ADD2: variants seen among roughly 807,000 people sequenced by gnomAD.
ADD2 encodes the protein beta-adducin.
ADD2 carries 23 observed loss-of-function variants against 83.0 expected under a neutral mutation model. The ratio of observed to expected loss-of-function variants is 0.28; its 90% CI spans 0.20 to 0.39. The LOEUF is 0.39. Ranked by LOEUF, ADD2 falls within the 10% of genes least tolerant of loss-of-function variation. The pLI is 1.00. For missense variants in ADD2, 758 were observed against 944.9 expected, an observed-to-expected ratio of 0.80 and a Z score of 2.59; for synonymous variants, 375 against 375.4, an observed-to-expected ratio of 1.00 and a Z score of 0.01.
At position 70,657,982 on chromosome 2, in the gene ADD2, T is replaced by A. The variant is rs1483700953; in HGVS notation, c.*5443A>T. The A allele has an allele frequency of 2.0e-5, 3 of 152,146 alleles. No individual in the cohort carries two copies. Among genetic ancestry groups the A allele is most frequent in the Non-Finnish European group, 1.5e-5 (1 of 68,060 alleles). 9.4% of individuals were successfully genotyped at this position (152,146 alleles called of 1,614,324 possible). ...CCCATCTGCAGGCCCCAATTTCCCA[T>A]AGCAATGACCCAACTTTTGGGAAAA... is the stretch of plus-strand genomic sequence containing the variant. On this transcript the variant is annotated 3_prime_UTR_variant, in exon 16 of 16. Transcript: ENST00000264436.
At chr2:70,710,257 G>C (rs1672109469) in intron 2 of ADD2, among the ~76,000 whole-genome samples, 1 of 152,150 alleles carries the variant, frequency 6.6e-6, no homozygotes, top group South Asian at 2.1e-4. Flanking sequence ...GGATCATTTT[G>C]GCCAGCACAG....
intron 1 of ADD2, among the ~76,000 whole-genome samples, chr2:70,755,178 T>C (rs782702767): frequency 3.9e-5 from 6 of 152,194 alleles, no homozygotes; most frequent in Non-Finnish European, 7.3e-5. Flanking sequence ...TGCCCTTCTC[T>C]CGAAGTACAG....
intron 1 of ADD2, among the ~76,000 whole-genome samples, chr2:70,725,703 G>A (rs1395148457): frequency 1.3e-5 from 2 of 152,060 alleles, no homozygotes; most frequent in African/African-American, 4.8e-5. Context: ...TAGAACTTCT[G>A]GATGGAGCAC....
intron 1 of ADD2, among the ~76,000 whole-genome samples, chr2:70,766,589 C>T (rs1553386093): frequency 1.3e-5 from 2 of 152,200 alleles, no homozygotes; most frequent in African/African-American, 4.8e-5. Flanking sequence ...ACATAATTTT[C>T]TAATGCCATT....
At chr2:70,737,034 C>T (rs1673604886) in intron 1 of ADD2, among the ~76,000 whole-genome samples, 1 of 152,140 alleles carries the variant, frequency 6.6e-6, no homozygotes. Context: ...GATACCATCT[C>T]ACACCAGTTA....
chr2:70,766,503 G>C (rs1415230545), intron 1 of ADD2, among the ~76,000 whole-genome samples: 1 of 152,208 alleles, frequency 6.6e-6, no homozygotes, highest in Non-Finnish European at 1.5e-5. Context: ...AAACGTCATA[G>C]TTCTCTTCTT....
At chr2:70,755,866 C>G (rs1674751005) in intron 1 of ADD2, among the ~76,000 whole-genome samples, 1 of 151,930 alleles carries the variant, frequency 6.6e-6, no homozygotes, top group Non-Finnish European at 1.5e-5. Flanking sequence ...CGAGACCAGC[C>G]TGGCCAACAT....
At chr2:70,755,221 T>G (rs1164347668) in intron 1 of ADD2, among the ~76,000 whole-genome samples, 1 of 152,162 alleles carries the variant, frequency 6.6e-6, no homozygotes, top group Non-Finnish European at 1.5e-5. Flanking sequence ...CACCTTCTCA[T>G]CTCAAATCTC....
chr2:70,669,807 A>G (rs1379399441), intron 15 of ADD2, among the ~76,000 whole-genome samples: 1 of 152,230 alleles, frequency 6.6e-6, no homozygotes, highest in South Asian at 2.1e-4. Flanking sequence ...CCCTGATGGA[A>G]AAACATGTAG....
At chr2:70,702,626 G>A (rs1357658068) in intron 4 of ADD2, among the ~76,000 whole-genome samples, 1 of 150,730 alleles carries the variant, frequency 6.6e-6, no homozygotes, top group Non-Finnish European at 1.5e-5. Context: ...AATGGTTTCC[G>A]CTACACAGAA....
intron 1 of ADD2, among the ~76,000 whole-genome samples, chr2:70,749,461 G>A (rs1199375542): frequency 6.6e-6 from 1 of 152,068 alleles, no homozygotes; most frequent in East Asian, 1.9e-4. Context: ...CTAATGCCAG[G>A]GGAAGTTATA....
Position 70,694,155 on chromosome 2 carries a change from G to A in ADD2, c.555+1566C>T, listed in dbSNP as rs1433927838. Among the ~76,000 whole-genome samples the A allele has an allele frequency of 4.6e-5, 7 of 152,256 alleles. 1 individual carries two copies. Among genetic ancestry groups the A allele is most frequent in the Non-Finnish European group, 4.4e-5 (3 of 68,016 alleles). On this transcript the variant is annotated intron_variant, in intron 6 of 15. Transcript: ENST00000264436. ...CATCTCATGCCCATGACTCAAACCT[G>A]TATCTCTAGCCTGCATCTCTTCTGA...
chr2:70,691,051 T>G lies in ADD2; in HGVS notation c.706-122A>C, dbSNP rs556801257. 36 of 1,248,230 alleles carry G rather than the reference T, an allele frequency of 2.9e-5. No homozygotes were observed. In the East Asian group the frequency reaches 5.3e-4, roughly 18 times the overall value. 77.3% of individuals were successfully genotyped at this position (1,248,230 alleles called of 1,614,324 possible). ...GAGGGGTGAGGAGTGAGGGGTGAGG[T>G]TGGGGAGCAGGCACAAGAAAGGCCT... On this transcript the variant is annotated intron_variant, in intron 7 of 15. Coordinates refer to ENST00000264436, the MANE Select transcript of ADD2 (RefSeq NM_001617.4).
At chr2:70,745,119 T>G (rs1361451824) in intron 1 of ADD2, among the ~76,000 whole-genome samples, 1 of 151,940 alleles carries the variant, frequency 6.6e-6, no homozygotes, top group Non-Finnish European at 1.5e-5. Flanking sequence ...ACCCCGTCTC[T>G]ACTAAAAATA....
chr2:70,727,760 G>T (rs539098055), intron 1 of ADD2, among the ~76,000 whole-genome samples: 1 of 152,222 alleles, frequency 6.6e-6, no homozygotes, highest in South Asian at 2.1e-4. Flanking sequence ...GCTGGGCGTG[G>T]TGATGCATGC....
chr2:70,699,676 A>C (rs1412442481), intron 4 of ADD2, among the ~76,000 whole-genome samples: 2 of 152,116 alleles, frequency 1.3e-5, no homozygotes, highest in Non-Finnish European at 2.9e-5. Context: ...GCTACTTGGG[A>C]GGCTGAGGCA....
chr2:70,687,527 T>G (rs1414918816), intron 9 of ADD2, among the ~76,000 whole-genome samples: 1 of 152,186 alleles, frequency 6.6e-6, no homozygotes, highest in Non-Finnish European at 1.5e-5. Context: ...CTGATTGGTC[T>G]GCTTTCCGCT....
intron 3 of ADD2, 77 bp from the exon 4 acceptor site, chr2:70,704,536 C>A: frequency 1.9e-6 from 3 of 1,574,906 alleles, no homozygotes; most frequent in East Asian, 2.2e-5. Flanking sequence ...TCCAAGTGCC[C>A]ACCCCTTGCC....
Position 70,663,367 on chromosome 2 carries a change from G to A in ADD2, c.*58C>T. On this transcript the variant is annotated 3_prime_UTR_variant, in exon 16 of 16. Coordinates refer to ENST00000264436, the MANE Select transcript of ADD2 (RefSeq NM_001617.4). The stretch of plus-strand genomic sequence containing the variant: ...GCCCTGTGCTTGCAGGGACAGAGAT[G>A]GGAGAAGGGAAGGGGAGGAGAGAGA... 5 of 1,523,668 alleles carry A rather than the reference G, an allele frequency of 3.3e-6. No homozygotes were observed. The highest frequency in any genetic ancestry group is 4.5e-6 in the Non-Finnish European group (5 of 1,117,054). 94.4% of individuals were successfully genotyped at this position (1,523,668 alleles called of 1,614,324 possible).
Sources: allele counts gnomAD v4.1 joint callset (sites outside exome capture counted in the v4.1 genomes callset), GRCh38; gene constraint gnomAD v4.1.1; transcripts MANE v1.5; gene names NCBI Gene and HGNC (gene_info 2026-07-23, HGNC 2026-07-21).